The following MAPK4 variants were observed in gnomAD, a reference collection of about 807,000 sequenced individuals.
The protein encoded by MAPK4 is Erk3-related.
MAPK4 carries 22 observed loss-of-function variants against 47.7 expected under a neutral mutation model. The observed-to-expected ratio is 0.46, with a 90% CI of 0.33 to 0.66. The LOEUF (loss-of-function observed/expected upper bound fraction) is 0.66. Ranked by LOEUF, MAPK4 falls within the 30% of genes least tolerant of loss-of-function variation. MAPK4 has a pLI of 0.02. For synonymous variants in MAPK4, 390 were observed against 365.7 expected (o/e 1.07, Z -0.76); for missense variants, 736 against 831.7 (o/e 0.88, Z 1.42).
At chr18:50,566,738 G>C (rs1236429013) in intron 1 of MAPK4, among the ~76,000 whole-genome samples, 1 of 152,130 alleles carries the variant, frequency 6.6e-6, no homozygotes, top group Non-Finnish European at 1.5e-5. Context: ...TTCCTTTATT[G>C]CTTTTTTTGT....
chr18:50,562,043 A>G (rs371478369), intron 1 of MAPK4, among the ~76,000 whole-genome samples: 5 of 152,132 alleles, frequency 3.3e-5, no homozygotes, highest in South Asian at 4.1e-4. Context: ...CTAAATAACA[A>G]AGCAACCTTG....
intron 2 of MAPK4, among the ~76,000 whole-genome samples, chr18:50,679,078 C>T (rs1908435969): frequency 6.6e-6 from 1 of 152,180 alleles, no homozygotes; most frequent in South Asian, 2.1e-4. Context: ...AATCCCTATG[C>T]CTTTTATTAT....
chr18:50,598,416 A>T lies in MAPK4; in HGVS notation c.-871+38173A>T, dbSNP rs114794658. Among the ~76,000 whole-genome samples, 1,416 of 152,298 alleles carry T rather than the reference A, an allele frequency of 9.3e-3. 18 individuals carry two copies. The highest frequency in any genetic ancestry group is 0.032 in the African/African-American group (1,313 of 41,542). On this transcript the variant is annotated intron_variant, in intron 1 of 5. Coordinates refer to ENST00000400384, the MANE Select transcript of MAPK4 (RefSeq NM_002747.4). ...TGCCTTTTCACACATTAAATAATTA[A>T]TTCTGGAGTTTTCTCTCTACAATAA...
At chr18:50,646,093 A>G (rs186036877) in intron 1 of MAPK4, among the ~76,000 whole-genome samples, 33 of 152,388 alleles carry the variant, frequency 2.2e-4, no homozygotes, top group African/African-American at 7.2e-4. Context: ...TCCAGCTAAC[A>G]GGCGAGGAAA....
At chr18:50,676,665 C>T (rs1252552924) in intron 2 of MAPK4, among the ~76,000 whole-genome samples, 1 of 152,172 alleles carries the variant, frequency 6.6e-6, no homozygotes, top group Non-Finnish European at 1.5e-5. Flanking sequence ...GAACCCAATG[C>T]ATGAAAATCT....
intron 1 of MAPK4, among the ~76,000 whole-genome samples, chr18:50,650,231 C>T (rs1303943030): frequency 3.9e-5 from 6 of 152,214 alleles, no homozygotes; most frequent in Non-Finnish European, 7.3e-5. Context: ...GTGCTAATCA[C>T]GGCAAAGCAA....
chr18:50,624,435 G>A (rs1283501168), intron 1 of MAPK4, among the ~76,000 whole-genome samples: 2 of 151,280 alleles, frequency 1.3e-5, no homozygotes, highest in Admixed American at 6.6e-5. Flanking sequence ...TGTATATGGC[G>A]ATGCTGTGGA....
intron 1 of MAPK4, among the ~76,000 whole-genome samples, chr18:50,613,412 A>G (rs2042657367): frequency 6.6e-6 from 1 of 152,208 alleles, no homozygotes; most frequent in African/African-American, 2.4e-5. Flanking sequence ...CTGCCAGGAA[A>G]TAAATTCTGC....
At chr18:50,699,945 A>C (rs1014021442) in intron 2 of MAPK4, among the ~76,000 whole-genome samples, 1 of 152,226 alleles carries the variant, frequency 6.6e-6, no homozygotes. Context: ...CCTTCTTAGC[A>C]CATGGGTATG....
At chr18:50,599,310 C>G (rs1444559626) in intron 1 of MAPK4, among the ~76,000 whole-genome samples, 1 of 152,062 alleles carries the variant, frequency 6.6e-6, no homozygotes, top group Non-Finnish European at 1.5e-5. Context: ...TTTTAAAAAC[C>G]CTATCAGTCT....
intron 3 of MAPK4, among the ~76,000 whole-genome samples, chr18:50,716,155 G>GCTCTCTTCACTCC (rs1910625026): frequency 6.6e-6 from 1 of 152,066 alleles, no homozygotes; most frequent in Non-Finnish European, 1.5e-5. Context: ...AAGAGCACTT[G>GCTCTCTTCACTCC]CTCTCTTCAC....
At chr18:50,706,071 A>G (rs1173851615) in intron 2 of MAPK4, 1 of 152,198 alleles carries the variant, frequency 6.6e-6, no homozygotes, top group Admixed American at 6.5e-5. Flanking sequence ...ATGCACTATT[A>G]ATAAAGCAGT....
At chr18:50,572,769 G>A (rs1196089126) in intron 1 of MAPK4, among the ~76,000 whole-genome samples, 1 of 152,122 alleles carries the variant, frequency 6.6e-6, no homozygotes, top group African/African-American at 2.4e-5. Context: ...TCTACAATTT[G>A]AGTTCAGGAT....
At chr18:50,615,512 A>T (rs1368995900) in intron 1 of MAPK4, among the ~76,000 whole-genome samples, 2 of 152,196 alleles carry the variant, frequency 1.3e-5, no homozygotes, top group Non-Finnish European at 2.9e-5. Flanking sequence ...GAAAGGCAGG[A>T]CATGCCCCTC....
chr18:50,565,099 G>A (rs939285715), intron 1 of MAPK4, among the ~76,000 whole-genome samples: 2 of 152,204 alleles, frequency 1.3e-5, no homozygotes, highest in Non-Finnish European at 2.9e-5. Context: ...TGCAAGAATA[G>A]GAAGCTAGTC....
intron 1 of MAPK4, among the ~76,000 whole-genome samples, chr18:50,661,339 C>T (rs750225425): frequency 6.6e-6 from 1 of 152,136 alleles, no homozygotes; most frequent in Non-Finnish European, 1.5e-5. Flanking sequence ...AGGCCAACTT[C>T]GCTAGCACAG....
rs1911475000 is a variant in MAPK4 at position 50,730,046 on chromosome 18, G to A, written c.*192G>A. On this transcript the variant is annotated 3_prime_UTR_variant, in exon 6 of 6. Coordinates refer to ENST00000400384, the MANE Select transcript of MAPK4 (RefSeq NM_002747.4). ...TAACTAGCCTTTAACCTGTGGGAGC[G>A]GGTTTGAACAGGACCCTGGCTTAGG... The A allele has an allele frequency of 5.5e-6, 3 of 548,664 alleles. No homozygotes were observed. Among genetic ancestry groups the A allele is most frequent in the Admixed American group, 3.3e-5 (1 of 30,598 alleles). 34.0% of individuals were successfully genotyped at this position (548,664 alleles called of 1,614,324 possible).
At chr18:50,570,524 TCC>T (rs1258488755) in intron 1 of MAPK4, among the ~76,000 whole-genome samples, 180 of 152,322 alleles carry the variant, frequency 1.2e-3, no homozygotes, top group Non-Finnish European at 1.8e-3. Flanking sequence ...TGGGTAAGTT[TCC>T]TTCCATTCAA....
chr18:50,628,950 G>A (rs1276847563), intron 1 of MAPK4, among the ~76,000 whole-genome samples: 1 of 152,186 alleles, frequency 6.6e-6, no homozygotes, highest in African/African-American at 2.4e-5. Context: ...GATTAGACTG[G>A]GGAGAAAAGT....
Sources: gnomAD v4.1 joint callset for allele counts (sites outside exome capture counted in the v4.1 genomes callset) on GRCh38, gnomAD v4.1.1 for gene constraint, MANE v1.5 for transcripts, NCBI Gene and HGNC (gene_info 2026-07-23, HGNC 2026-07-21) for gene names.